The following KCNIP3 variants were observed in gnomAD, a reference collection of about 807,000 sequenced individuals.
KCNIP3 encodes calsenilin.
KCNIP3 carries 28 observed loss-of-function variants against 35.0 expected under a neutral mutation model. The observed-to-expected ratio is 0.80, with a 90% CI of 0.59 to 1.10. The LOEUF is 1.10. Among genes scored for constraint, KCNIP3 ranks in the 50% least tolerant of loss-of-function variants. The pLI, the probability that KCNIP3 is intolerant of heterozygous loss-of-function variation, is 0.00. For missense variants in KCNIP3, 295 were observed against 338.4 expected (o/e 0.87, Z 1.01); for synonymous variants, 134 against 133.8 (o/e 1.00, Z -0.01).
chr2:95,354,182 G>A (rs1679596543), intron 2 of KCNIP3, among the ~76,000 whole-genome samples: 1 of 152,184 alleles, frequency 6.6e-6, no homozygotes, highest in African/African-American at 2.4e-5. Context: ...TGCCCCCTCA[G>A]GTTGTGTTAG....
intron 1 of KCNIP3, 27 bp downstream of exon 1, chr2:95,297,480 C>A: frequency 1.5e-6 from 1 of 669,038 alleles, no homozygotes; most frequent in Non-Finnish European, 2.2e-6. Flanking sequence ...TGGGGTCTTG[C>A]TCTGGAGGGG....
intron 1 of KCNIP3, among the ~76,000 whole-genome samples, chr2:95,309,159 C>T (rs749044292): frequency 6.6e-5 from 10 of 152,244 alleles, no homozygotes; most frequent in East Asian, 3.9e-4. Flanking sequence ...CCTGCCACCC[C>T]GAGCAGGAGA....
intron 2 of KCNIP3, among the ~76,000 whole-genome samples, chr2:95,333,825 AG>A (rs772629581): frequency 6.6e-6 from 1 of 152,126 alleles, no homozygotes; most frequent in Non-Finnish European, 1.5e-5. Context: ...GGACTTGGAT[AG>A]GGGGCGTCTC....
intron 2 of KCNIP3, among the ~76,000 whole-genome samples, chr2:95,322,136 G>T (rs994057755): frequency 4.6e-5 from 7 of 152,110 alleles, no homozygotes; most frequent in Admixed American, 4.6e-4. Flanking sequence ...AGGTCGAGGT[G>T]GGCAGATTGC....
intron 2 of KCNIP3, among the ~76,000 whole-genome samples, chr2:95,334,973 C>T (rs936224697): frequency 6.6e-6 from 1 of 152,230 alleles, no homozygotes; most frequent in Non-Finnish European, 1.5e-5. Context: ...CAGAGCTATG[C>T]AGTGAGGGGC....
intron 2 of KCNIP3, among the ~76,000 whole-genome samples, chr2:95,341,953 C>T (rs1480728970): frequency 6.6e-6 from 1 of 151,972 alleles, no homozygotes; most frequent in Non-Finnish European, 1.5e-5. Context: ...AGGACGGGGG[C>T]GGGGTGGAGA....
chr2:95,384,364 G>A lies in KCNIP3; in HGVS notation c.*315G>A, dbSNP rs941925112. ...AGAGCAGGTCTGCAGGCCACCAGCT[G>A]CTGGATGTCACCAAGAAGGGGCTCG... On this transcript the variant is annotated 3_prime_UTR_variant, in exon 9 of 9. Transcript: ENST00000295225. 2 of 408,414 alleles carry A rather than the reference G, an allele frequency of 4.9e-6. No individual in the cohort carries two copies. The highest frequency in any genetic ancestry group is 8.9e-6 in the Non-Finnish European group (2 of 224,832). The allele number at this position is 408,414 out of a possible 1,614,324, so 25.3% of individuals were successfully genotyped here. A position where few individuals can be genotyped will look rare whatever the true frequency, so the allele number is the denominator to read the frequency against.
intron 2 of KCNIP3, among the ~76,000 whole-genome samples, chr2:95,346,467 C>G (rs1037513414): frequency 6.6e-6 from 1 of 150,386 alleles, no homozygotes; most frequent in African/African-American, 2.4e-5. Flanking sequence ...CCGGCTCCCT[C>G]CGCCCTTCCC....
At chr2:95,300,879 G>A (rs530923322) in intron 1 of KCNIP3, among the ~76,000 whole-genome samples, 42 of 152,314 alleles carry the variant, frequency 2.8e-4, no homozygotes, top group Non-Finnish European at 5.7e-4. Flanking sequence ...CTCTCCATCA[G>A]CCTGGCCATG....
intron 2 of KCNIP3, among the ~76,000 whole-genome samples, chr2:95,319,800 T>A (rs1678545264): frequency 6.6e-6 from 1 of 152,170 alleles, no homozygotes. Flanking sequence ...TCCCTCTCTC[T>A]CCCTCCGCTG....
chr2:95,346,591 C>CCCGCCGCCGCGCCG (rs961274003), intron 2 of KCNIP3: 2 of 146,372 alleles, frequency 1.4e-5, no homozygotes, highest in East Asian at 2.0e-4. Flanking sequence ...GCCCGGGACC[C>CCCGCCGCCGCGCCG]CCGCCGCCGC....
chr2:95,349,259 G>A (rs1282168947), intron 2 of KCNIP3, among the ~76,000 whole-genome samples: 1 of 152,182 alleles, frequency 6.6e-6, no homozygotes, highest in Admixed American at 6.5e-5. Flanking sequence ...CTGGATGTGA[G>A]CTATCCTCAG....
chr2:95,325,774 T>TACACACACTCATACACACTCATAC (rs1678737987), intron 2 of KCNIP3, among the ~76,000 whole-genome samples: 2 of 143,798 alleles, frequency 1.4e-5, no homozygotes, highest in Non-Finnish European at 3.0e-5. Flanking sequence ...CACACTCATA[T>TACACACACTCATACACACTCATAC]ACACACACTC....
chr2:95,326,722 C>T (rs1678805261), intron 2 of KCNIP3, among the ~76,000 whole-genome samples: 1 of 152,216 alleles, frequency 6.6e-6, no homozygotes, highest in African/African-American at 2.4e-5. Flanking sequence ...TTGGAGTCTG[C>T]CACTCTCCTG....
intron 2 of KCNIP3, among the ~76,000 whole-genome samples, chr2:95,363,692 A>G (rs1464987164): frequency 1.3e-5 from 2 of 152,206 alleles, no homozygotes; most frequent in African/African-American, 2.4e-5. Flanking sequence ...AATGACATTA[A>G]TATGTGGCCA....
chr2:95,355,914 T>A (rs890625967), intron 2 of KCNIP3, among the ~76,000 whole-genome samples: 1 of 152,236 alleles, frequency 6.6e-6, no homozygotes, highest in African/African-American at 2.4e-5. Context: ...CCCTGAGGAA[T>A]CACCACACTG....
intron 5 of KCNIP3, among the ~76,000 whole-genome samples, chr2:95,379,882 C>T (rs1680293645): frequency 6.6e-6 from 1 of 152,204 alleles, no homozygotes. Flanking sequence ...GAAATTTCAC[C>T]ATGATCTATG....
intron 1 of KCNIP3, chr2:95,298,767 G>C (rs1462911044): frequency 6.6e-6 from 1 of 152,268 alleles, no homozygotes; most frequent in Non-Finnish European, 1.5e-5. Flanking sequence ...CTTCTCTCCT[G>C]TCACCTCAAG....
intron 2 of KCNIP3, among the ~76,000 whole-genome samples, chr2:95,359,239 T>A (rs147167911): frequency 2.0e-4 from 31 of 152,316 alleles, no homozygotes; most frequent in African/African-American, 7.5e-4. Flanking sequence ...AAGGCATGAT[T>A]CATCCTGAGG....
Sources: allele counts gnomAD v4.1 joint callset (sites outside exome capture counted in the v4.1 genomes callset), GRCh38; gene constraint gnomAD v4.1.1; transcripts MANE v1.5; gene names NCBI Gene and HGNC (gene_info 2026-07-23, HGNC 2026-07-21).